Variants in NRXN3 observed in about 807,000 individuals in gnomAD.
NRXN3 encodes neurexin 3, also known as neurexin III.
Under a neutral mutation model 137.6 loss-of-function variants are expected in NRXN3, and 32 were observed. The ratio of observed to expected loss-of-function variants is 0.23; its 90% CI spans 0.18 to 0.31. NRXN3 has a LOEUF of 0.31. Among genes scored for constraint, NRXN3 ranks in the 10% least tolerant of loss-of-function variants. The pLI is 1.00. For synonymous variants in NRXN3, 798 were observed against 784.5 expected (o/e 1.02, Z -0.29); for missense variants, 1,574 against 2,062.5 (o/e 0.76, Z 4.59).
Position 78,685,209 on chromosome 14 carries a change from A to C in NRXN3, c.1222-24008A>C, listed in dbSNP as rs547267057. 1.1e-4 allele frequency among the ~76,000 whole-genome samples: 16 copies of C among 152,274 alleles called. No homozygotes were observed. The South Asian group carries it at 3.3e-3, about 32-fold the overall frequency. ...TCATTTCTCATTGCATTGGTGCAAC[A>C]ACTTTCTAAATGCTTTCTCTGTTTC... is the stretch of plus-strand genomic sequence containing the variant. On this transcript the variant is annotated intron_variant, in intron 6 of 20. Transcript: ENST00000335750.
intron 16 of NRXN3, among the ~76,000 whole-genome samples, chr14:79,506,310 T>C (rs916606107): frequency 6.6e-6 from 1 of 152,210 alleles, no homozygotes; most frequent in African/African-American, 2.4e-5. Flanking sequence ...ACTACCACTT[T>C]ACCTGAACAT....
intron 8 of NRXN3, among the ~76,000 whole-genome samples, chr14:78,772,581 A>G (rs997277446): frequency 3.9e-5 from 6 of 152,228 alleles, no homozygotes; most frequent in Non-Finnish European, 7.3e-5. Flanking sequence ...TGAGAGTAAG[A>G]AATAACAAAT....
In NRXN3 at chr14:79,128,383, T is replaced by C. The variant is rs1297982540; in HGVS notation, c.3262+140242T>C. Among the ~76,000 whole-genome samples the C allele has an allele frequency of 2.9e-3, 426 of 149,174 alleles. 2 individuals carry two copies. Among genetic ancestry groups the C allele is most frequent in the African/African-American group, 9.6e-3 (386 of 40,254 alleles). On this transcript the variant is annotated intron_variant, in intron 15 of 20. Transcript: ENST00000335750. ...CCTAATTTATTGAGAGTTTTTAGCATGAAGCGTTGTTGAATTTTGTCAAAG... is the reference window on the plus strand; with the variant it reads ...CCTAATTTATTGAGAGTTTTTAGCACGAAGCGTTGTTGAATTTTGTCAAAG...
At chr14:78,767,323 A>G (rs1467782725) in intron 8 of NRXN3, among the ~76,000 whole-genome samples, 1 of 152,248 alleles carries the variant, frequency 6.6e-6, no homozygotes, top group Non-Finnish European at 1.5e-5. Flanking sequence ...AAGGCAGTAA[A>G]GAAATACATT....
At chr14:78,222,271 A>G (rs2063928377) in intron 1 of NRXN3, among the ~76,000 whole-genome samples, 1 of 152,216 alleles carries the variant, frequency 6.6e-6, no homozygotes, top group African/African-American at 2.4e-5. Flanking sequence ...ACCCAGGGCC[A>G]GAGAGCAGCT....
Position 79,478,493 on chromosome 14 carries a change from T to C in NRXN3, c.3444+11091T>C, listed in dbSNP as rs1600882268. 2.6e-5 allele frequency among the ~76,000 whole-genome samples: 4 copies of C among 152,146 alleles called. No homozygotes were observed. The East Asian group carries it at 7.7e-4, about 29-fold the overall frequency. On this transcript the variant is annotated intron_variant, in intron 16 of 20. Transcript: ENST00000335750. ...CCTCTTACCAGTATTCTGCATTTCT[T>C]CTCTGTCACGGGCATCATTAACTTT...
chr14:79,382,674 CAA>C (rs1340697823), intron 15 of NRXN3, among the ~76,000 whole-genome samples: 5 of 152,042 alleles, frequency 3.3e-5, no homozygotes, highest in African/African-American at 1.2e-4. Context: ...CAAAAAGATA[CAA>C]AGAGACTAGG....
At chr14:78,822,082 A>G (rs1057006523) in intron 10 of NRXN3, among the ~76,000 whole-genome samples, 2 of 152,274 alleles carry the variant, frequency 1.3e-5, no homozygotes, top group South Asian at 4.2e-4. Flanking sequence ...GTGAAGATAC[A>G]ACTTCATTCT....
chr14:79,146,689 A>C (rs1236346926), intron 15 of NRXN3, among the ~76,000 whole-genome samples: 2 of 152,162 alleles, frequency 1.3e-5, no homozygotes, highest in Non-Finnish European at 2.9e-5. Context: ...CCGCAGTCTA[A>C]TCTTGGAAGG....
At chr14:78,717,794 A>C (rs959938964) in intron 8 of NRXN3, among the ~76,000 whole-genome samples, 1 of 152,218 alleles carries the variant, frequency 6.6e-6, no homozygotes, top group African/African-American at 2.4e-5. Context: ...TTTACTTGTG[A>C]ACAAGGGGTG....
rs1009419705 is a variant in NRXN3, at chr14:78,242,907, G to T, written c.-187G>T. 1.1e-4 allele frequency: 59 copies of T among 516,828 alleles called. No homozygotes were observed. Among genetic ancestry groups the T allele is most frequent in the African/African-American group, 8.3e-4 (43 of 52,082 alleles). The allele number at this position is 516,828 out of a possible 1,614,324, so 32.0% of individuals were successfully genotyped here. ...ATTTCTTGCTTGTGTGCCCCTCTGG[G>T]ACTCTCTTGTACACTTTCCTCCATC... On this transcript the variant is annotated 5_prime_UTR_variant, in exon 2 of 21. Coordinates refer to ENST00000335750, the MANE Select transcript of NRXN3 (RefSeq NM_001330195.2).
At chr14:79,148,739 C>G (rs544867554) in intron 15 of NRXN3, among the ~76,000 whole-genome samples, 49 of 152,260 alleles carry the variant, frequency 3.2e-4, no homozygotes, top group African/African-American at 1.2e-3. Flanking sequence ...TTGCAATCAT[C>G]CAGATGCCAA....
chr14:78,420,633 C>T (rs189117827), intron 4 of NRXN3, among the ~76,000 whole-genome samples: 22 of 152,234 alleles, frequency 1.4e-4, no homozygotes, highest in East Asian at 5.8e-4. Flanking sequence ...ATATTAATAA[C>T]GAATATTCTC....
In NRXN3 at chr14:78,971,697, G is replaced by A. The variant is rs1281696918; in HGVS notation, c.3142+3351G>A. Among the ~76,000 whole-genome samples, 16 of 152,166 alleles carry A rather than the reference G, an allele frequency of 1.1e-4. No homozygotes were observed. The East Asian group carries it at 1.9e-3, about 18-fold the overall frequency. The stretch of plus-strand genomic sequence containing the variant: ...GTTGCCCAGGCTGGAGTGCAGTGGC[G>A]TGATCTCGGCTCACTGCAACCTCCA... On this transcript the variant is annotated intron_variant, in intron 14 of 20. Coordinates refer to ENST00000335750, the MANE Select transcript of NRXN3 (RefSeq NM_001330195.2).
chr14:78,388,044 A>G (rs2090229179), intron 4 of NRXN3, among the ~76,000 whole-genome samples: 1 of 152,160 alleles, frequency 6.6e-6, no homozygotes, highest in Non-Finnish European at 1.5e-5. Context: ...TAAAAATATC[A>G]CGGATCTTTA....
At chr14:78,781,032 G>A (rs1177645396) in intron 8 of NRXN3, among the ~76,000 whole-genome samples, 3 of 152,128 alleles carry the variant, frequency 2.0e-5, no homozygotes, top group Non-Finnish European at 4.4e-5. Flanking sequence ...TAAATCAGAA[G>A]AGTGCATCAA....
chr14:78,572,586 C>T (rs1199945257), intron 4 of NRXN3, among the ~76,000 whole-genome samples: 2 of 152,174 alleles, frequency 1.3e-5, no homozygotes, highest in South Asian at 2.1e-4. Flanking sequence ...CCCTGGGCCA[C>T]AGTGGAAGAA....
chr14:79,364,618 A>C (rs961946997), intron 15 of NRXN3, among the ~76,000 whole-genome samples: 1 of 152,210 alleles, frequency 6.6e-6, no homozygotes, highest in Non-Finnish European at 1.5e-5. Context: ...GTCTCTTTGC[A>C]AGTACATAAT....
At chr14:78,421,544 T>C (rs2093445962) in intron 4 of NRXN3, among the ~76,000 whole-genome samples, 1 of 152,094 alleles carries the variant, frequency 6.6e-6, no homozygotes, top group South Asian at 2.1e-4. Flanking sequence ...ATGGAGACTA[T>C]TTCTTTCTTT....
Sources: allele counts gnomAD v4.1 joint callset (sites outside exome capture counted in the v4.1 genomes callset), GRCh38; gene constraint gnomAD v4.1.1; transcripts MANE v1.5; gene names NCBI Gene and HGNC (gene_info 2026-07-23, HGNC 2026-07-21).